SUCLG2: variants seen among roughly 807,000 people sequenced by gnomAD.
SUCLG2 encodes succinate--CoA ligase [GDP-forming] subunit beta, mitochondrial.
Under a neutral mutation model 47.9 loss-of-function variants are expected in SUCLG2, and 42 were observed. The observed-to-expected ratio is 0.88, with a 90% CI of 0.69 to 1.14. SUCLG2 has a LOEUF of 1.14. SUCLG2 is among the 50% of genes most tolerant of loss of function. SUCLG2 has a pLI of 0.00. For synonymous variants in SUCLG2, 195 were observed against 197.3 expected (o/e 0.99, Z 0.10); for missense variants, 571 against 525.9 (o/e 1.09, Z -0.84).
At chr3:67,384,605 A>C (rs1702223146) in intron 10 of SUCLG2, among the ~76,000 whole-genome samples, 1 of 152,240 alleles carries the variant, frequency 6.6e-6, no homozygotes, top group Non-Finnish European at 1.5e-5. Flanking sequence ...GGTGAAGACA[A>C]GAATCATCTT....
chr3:67,427,617 T>A (rs1222109245), intron 9 of SUCLG2, among the ~76,000 whole-genome samples: 3 of 152,110 alleles, frequency 2.0e-5, no homozygotes, highest in African/African-American at 7.2e-5. Context: ...CTGGGGCTTG[T>A]CGGATACTGG....
chr3:67,499,264 C>T (rs1705433655), intron 7 of SUCLG2, among the ~76,000 whole-genome samples: 1 of 152,144 alleles, frequency 6.6e-6, no homozygotes, highest in African/African-American at 2.4e-5. Context: ...TTCCAGCATA[C>T]ATTACTAACT....
intron 9 of SUCLG2, among the ~76,000 whole-genome samples, chr3:67,474,886 T>C (rs1278559523): frequency 2.6e-5 from 4 of 152,096 alleles, no homozygotes; most frequent in Non-Finnish European, 4.4e-5. Context: ...CTGGAGATAG[T>C]GGTCCCTACA....
intron 10 of SUCLG2, among the ~76,000 whole-genome samples, chr3:67,381,316 G>A (rs1433826418): frequency 1.3e-5 from 2 of 152,170 alleles, no homozygotes; most frequent in African/African-American, 2.4e-5. Context: ...GTGAGTTTCT[G>A]CATTCCTTTT....
intron 9 of SUCLG2, among the ~76,000 whole-genome samples, chr3:67,475,251 C>T (rs1195026507): frequency 6.6e-6 from 1 of 152,060 alleles, no homozygotes; most frequent in African/African-American, 2.4e-5. Context: ...GATATTAAAC[C>T]CTACCTAACT....
chr3:67,363,123 A>C (rs1412667277), intron 10 of SUCLG2, among the ~76,000 whole-genome samples: 3 of 152,210 alleles, frequency 2.0e-5, no homozygotes, highest in Non-Finnish European at 4.4e-5. Flanking sequence ...ACATGCAATA[A>C]ATTTGAGCAT....
At position 67,433,792 on chromosome 3, in the gene SUCLG2, G is replaced by A. The variant is rs142935912; in HGVS notation, c.1063-32941C>T. Among the ~76,000 whole-genome samples, 16 of 151,018 alleles carry A rather than the reference G, an allele frequency of 1.1e-4. No individual in the cohort carries two copies. The East Asian group carries it at 2.3e-3, about 22-fold the overall frequency. On this transcript the variant is annotated intron_variant, in intron 9 of 10. Coordinates refer to ENST00000307227, the MANE Select transcript of SUCLG2 (RefSeq NM_003848.4). ...ATATTAGCTAGGAAGTATGAGGTGC[G>A]GGATTTAGTAAAAAAAAAAAAAAAC... is the stretch of plus-strand genomic sequence containing the variant.
At chr3:67,652,277 G>A (rs1020642085) in intron 1 of SUCLG2, among the ~76,000 whole-genome samples, 1 of 152,166 alleles carries the variant, frequency 6.6e-6, no homozygotes, top group African/African-American at 2.4e-5. Context: ...TGAGAGACCA[G>A]TTAAAGTTAT....
At chr3:67,419,291 G>A (rs929908988) in intron 9 of SUCLG2, among the ~76,000 whole-genome samples, 1 of 152,190 alleles carries the variant, frequency 6.6e-6, no homozygotes, top group African/African-American at 2.4e-5. Flanking sequence ...CACCAGGTCA[G>A]ATGTTATCTC....
chr3:67,466,105 C>A (rs962255363), intron 9 of SUCLG2, among the ~76,000 whole-genome samples: 2 of 152,210 alleles, frequency 1.3e-5, no homozygotes, highest in African/African-American at 2.4e-5. Flanking sequence ...GTAATCTCAG[C>A]ACTTTGGGAG....
chr3:67,625,267 C>T lies in SUCLG2; in HGVS notation c.85-15671G>A, dbSNP rs190253247. Among the ~76,000 whole-genome samples the T allele has an allele frequency of 1.1e-4, 16 of 152,256 alleles. No homozygotes were observed. In the East Asian group the frequency reaches 3.1e-3, roughly 29 times the overall value. ...CATCGAAGGCTCGGTGGGTCATCTT[C>T]ACCCTGCCATTTATTCACAGGTGAC... is the stretch of plus-strand genomic sequence containing the variant. On this transcript the variant is annotated intron_variant, in intron 1 of 10. Transcript: ENST00000307227.
At chr3:67,495,569 T>C (rs1048933839) in intron 9 of SUCLG2, among the ~76,000 whole-genome samples, 3 of 151,640 alleles carry the variant, frequency 2.0e-5, no homozygotes, top group African/African-American at 7.3e-5. Context: ...GAAGAATCGC[T>C]TGAACCCAGG....
At chr3:67,609,373 A>C in intron 2 of SUCLG2, 82 bp downstream of exon 2, 1 of 1,509,950 alleles carries the variant, frequency 6.6e-7, no homozygotes, top group East Asian at 2.3e-5. Flanking sequence ...TCCACAACAA[A>C]AAAAATTAAC....
intron 10 of SUCLG2, among the ~76,000 whole-genome samples, chr3:67,395,036 A>G (rs534387627): frequency 9.9e-5 from 15 of 152,136 alleles, no homozygotes; most frequent in African/African-American, 3.1e-4. Context: ...TAAACATGGA[A>G]AGGAACAACC....
intron 6 of SUCLG2, among the ~76,000 whole-genome samples, chr3:67,511,037 T>C (rs201090490): frequency 1.3e-5 from 2 of 151,900 alleles, no homozygotes; most frequent in East Asian, 3.9e-4. Flanking sequence ...ACTACAGGTG[T>C]GCCACCAAGC....
intron 1 of SUCLG2, among the ~76,000 whole-genome samples, chr3:67,625,219 G>A (rs975426102): frequency 6.6e-6 from 1 of 152,172 alleles, no homozygotes; most frequent in Non-Finnish European, 1.5e-5. Context: ...GTTGATAATT[G>A]AGAAATAAGC....
intron 9 of SUCLG2, among the ~76,000 whole-genome samples, chr3:67,494,077 T>C (rs1379977347): frequency 6.6e-6 from 1 of 152,172 alleles, no homozygotes; most frequent in Non-Finnish European, 1.5e-5. Flanking sequence ...CCACCAACTA[T>C]GTAAGTCATG....
intron 9 of SUCLG2, among the ~76,000 whole-genome samples, chr3:67,422,472 T>TAAAAAAAAAAAAAAA (rs1559520249): frequency 2.3e-3 from 28 of 12,342 alleles, no homozygotes; most frequent in African/African-American, 9.7e-3. Flanking sequence ...AGACTCCATC[T>TAAAAAAAAAAAAAAA]CAAAAAAAAA....
At chr3:67,437,138 T>C (rs1703644676) in intron 9 of SUCLG2, among the ~76,000 whole-genome samples, 1 of 151,982 alleles carries the variant, frequency 6.6e-6, no homozygotes, top group East Asian at 1.9e-4. Flanking sequence ...TTAAAAAAAA[T>C]ACTGTGTGTA....
Sources: gnomAD v4.1 joint callset for allele counts (sites outside exome capture counted in the v4.1 genomes callset) on GRCh38, gnomAD v4.1.1 for gene constraint, MANE v1.5 for transcripts, NCBI Gene and HGNC (gene_info 2026-07-23, HGNC 2026-07-21) for gene names.